RBMS3: variants seen among roughly 807,000 people sequenced by gnomAD.
The protein encoded by RBMS3 is RNA-binding motif, single-stranded-interacting protein 3.
RBMS3 carries 27 observed loss-of-function variants against 66.8 expected under a neutral mutation model. That is an observed-to-expected ratio of 0.40 (90% CI 0.30 to 0.56). The LOEUF is 0.56. Among genes scored for constraint, RBMS3 ranks in the 20% least tolerant of loss-of-function variants. The pLI, the probability that RBMS3 is intolerant of heterozygous loss-of-function variation, is 0.40. For missense variants in RBMS3, 513 were observed against 549.5 expected (o/e 0.93, Z 0.66); for synonymous variants, 188 against 183.0 (o/e 1.03, Z -0.22).
chr3:29,774,298 C>T (rs1243815956), intron 6 of RBMS3, among the ~76,000 whole-genome samples: 2 of 151,938 alleles, frequency 1.3e-5, no homozygotes, highest in South Asian at 2.1e-4. Flanking sequence ...AAAAGGGATA[C>T]ACCATTTAAA....
intron 3 of RBMS3, among the ~76,000 whole-genome samples, chr3:29,556,741 G>C (rs970012856): frequency 2.6e-5 from 4 of 152,036 alleles, no homozygotes; most frequent in African/African-American, 4.8e-5. Context: ...GTTTCCAATT[G>C]CTAGCACCTG....
intron 1 of RBMS3, among the ~76,000 whole-genome samples, chr3:29,293,555 C>T (rs1020042): frequency 0.12 from 17,888 of 151,694 alleles, 1,584 homozygotes; most frequent in African/African-American, 0.25. Context: ...AGGCTAGCTG[C>T]TATTGTTATT....
At chr3:29,363,570 C>T (rs2037727129) in intron 1 of RBMS3, among the ~76,000 whole-genome samples, 1 of 152,122 alleles carries the variant, frequency 6.6e-6, no homozygotes, top group South Asian at 2.1e-4. Flanking sequence ...GGGTGGATCA[C>T]CTGAGATCAG....
intron 2 of RBMS3, among the ~76,000 whole-genome samples, chr3:29,471,718 G>GTTTTTTTTTTTTTTTTTTTTTTTT (rs397793236): frequency 1.4e-5 from 1 of 71,170 alleles, no homozygotes; most frequent in Non-Finnish European, 2.7e-5. Flanking sequence ...TGAGGACTTA[G>GTTTTTTTTTTTTTTTTTTTTTTTT]TTTTTTTTTT....
intron 6 of RBMS3, among the ~76,000 whole-genome samples, chr3:29,830,249 A>G (rs2058336674): frequency 1.3e-5 from 2 of 152,130 alleles, no homozygotes; most frequent in Admixed American, 6.6e-5. Context: ...TTTTAATTTT[A>G]AAGCAATTTG....
chr3:29,512,380 T>C (rs1268626845), intron 3 of RBMS3, among the ~76,000 whole-genome samples: 1 of 152,126 alleles, frequency 6.6e-6, no homozygotes, highest in African/African-American at 2.4e-5. Flanking sequence ...CATCTGACAT[T>C]AGTTAGAATT....
intron 4 of RBMS3, among the ~76,000 whole-genome samples, chr3:29,724,145 C>G (rs2053758206): frequency 6.6e-6 from 1 of 152,026 alleles, no homozygotes; most frequent in South Asian, 2.1e-4. Flanking sequence ...AATACAGTGG[C>G]CACATTTTAA....
intron 5 of RBMS3, among the ~76,000 whole-genome samples, chr3:29,760,391 T>A (rs1368017670): frequency 6.6e-6 from 1 of 152,090 alleles, no homozygotes; most frequent in Non-Finnish European, 1.5e-5. Context: ...CTTTAGATTC[T>A]TAACTGCCTT....
intron 6 of RBMS3, among the ~76,000 whole-genome samples, chr3:29,789,813 A>G (rs1232603629): frequency 6.6e-6 from 1 of 152,202 alleles, no homozygotes; most frequent in African/African-American, 2.4e-5. Flanking sequence ...TGAGAGGAAC[A>G]TATGATTTTC....
chr3:29,909,486 C>A (rs1212725461), intron 10 of RBMS3, among the ~76,000 whole-genome samples: 1 of 152,060 alleles, frequency 6.6e-6, no homozygotes, highest in Non-Finnish European at 1.5e-5. Context: ...TGTTTATCTT[C>A]CAAGTAGAGT....
intron 4 of RBMS3, among the ~76,000 whole-genome samples, chr3:29,597,525 G>T (rs1378205958): frequency 2.0e-5 from 3 of 152,100 alleles, no homozygotes; most frequent in Admixed American, 2.0e-4. Context: ...ACCGTGTCCA[G>T]GACACACTTT....
Position 29,991,162 on chromosome 3 carries a change from G to A in RBMS3, c.1260G>A (p.Val420=), listed in dbSNP as rs1408901513. 8.7e-6 allele frequency: 14 copies of A among 1,614,062 alleles called. No individual in the cohort carries two copies. The highest frequency in any genetic ancestry group is 1.7e-5 in the Admixed American group (1 of 60,002). The change falls in exon 14 of 15, where the codon GTG becomes GTA. Residue 420 remains valine (V), a synonymous_variant. Coordinates refer to ENST00000383767, the MANE Select transcript of RBMS3 (RefSeq NM_001003793.3). ...GTGGTCAGCAGCAACAGATAGCAGT[G>A]GACACATCCAACGAACATGCACCTG... The part of the protein sequence containing the change: ...DTSGQQQQIA[V]DTSNEHAPAY...
At chr3:29,494,962 T>C (rs1248139973) in intron 3 of RBMS3, among the ~76,000 whole-genome samples, 1 of 151,812 alleles carries the variant, frequency 6.6e-6, no homozygotes, top group African/African-American at 2.4e-5. Flanking sequence ...ATACTCTCTT[T>C]TGCCTTTGTT....
chr3:29,849,758 CA>C (rs1364370890), intron 6 of RBMS3, among the ~76,000 whole-genome samples: 2 of 152,130 alleles, frequency 1.3e-5, no homozygotes, highest in Non-Finnish European at 2.9e-5. Flanking sequence ...AAGCATTCTA[CA>C]GTTCATTTCC....
chr3:29,843,192 A>G (rs1482687124), intron 6 of RBMS3, among the ~76,000 whole-genome samples: 4 of 152,226 alleles, frequency 2.6e-5, no homozygotes, highest in African/African-American at 4.8e-5. Flanking sequence ...GTATATTGTG[A>G]ACTTCTATTA....
chr3:29,716,972 C>T (rs938762338), intron 4 of RBMS3, among the ~76,000 whole-genome samples: 1 of 151,900 alleles, frequency 6.6e-6, no homozygotes, highest in Admixed American at 6.6e-5. Flanking sequence ...ATTTTAGCAG[C>T]AGCATTTTAT....
intron 4 of RBMS3, among the ~76,000 whole-genome samples, chr3:29,693,788 G>A (rs4680842): frequency 0.9 from 137,230 of 152,230 alleles, 62,114 homozygotes; most frequent in East Asian, 1. Context: ...AATAATTTCA[G>A]ATTGATTTTT....
chr3:29,664,412 C>T (rs2050674677), intron 4 of RBMS3, among the ~76,000 whole-genome samples: 1 of 152,014 alleles, frequency 6.6e-6, no homozygotes, highest in African/African-American at 2.4e-5. Context: ...CGCTTGAACC[C>T]AGGAGGCAAA....
intron 6 of RBMS3, among the ~76,000 whole-genome samples, chr3:29,825,677 C>A (rs562330530): frequency 6.6e-6 from 1 of 152,106 alleles, no homozygotes; most frequent in African/African-American, 2.4e-5. Flanking sequence ...GTCAATTAAA[C>A]CTCTTTCCTT....
Sources: allele counts gnomAD v4.1 joint callset (sites outside exome capture counted in the v4.1 genomes callset), GRCh38; gene constraint gnomAD v4.1.1; transcripts MANE v1.5; gene names NCBI Gene and HGNC (gene_info 2026-07-23, HGNC 2026-07-21).